CHD5: variants seen among roughly 807,000 people sequenced by gnomAD.
CHD5 encodes ATP-dependent chromatin remodeler CHD5.
A neutral mutation model predicts 230.3 loss-of-function variants in CHD5; 69 were observed. The ratio of observed to expected loss-of-function variants is 0.30; its 90% CI spans 0.25 to 0.37. CHD5 has a LOEUF of 0.37. Ranked by LOEUF, CHD5 falls within the 10% of genes least tolerant of loss-of-function variation. CHD5 has a pLI of 1.00. For missense variants in CHD5, 1,827 were observed against 2,622.8 expected, an observed-to-expected ratio of 0.70 and a Z score of 6.63; for synonymous variants, 1,064 against 1,065.9, an observed-to-expected ratio of 1.00 and a Z score of 0.03.
intron 17 of CHD5, 140 bp downstream of exon 17, chr1:6,136,377 G>T: frequency 1.0e-6 from 1 of 978,454 alleles, no homozygotes. Flanking sequence ...GTCAAAGCGG[G>T]GACATTGCTA....
chr1:6,174,842 AATGG>A (rs1667396362), intron 1 of CHD5, among the ~76,000 whole-genome samples: 1 of 138,294 alleles, frequency 7.2e-6, no homozygotes, highest in Non-Finnish European at 1.5e-5. Context: ...TAAATGGATG[AATGG>A]ATGAATGACG....
At position 6,146,543 on chromosome 1, in the gene CHD5, C is replaced by G; in HGVS notation, c.1591-120G>C. The G allele has an allele frequency of 7.2e-7, 1 of 1,390,354 alleles. No homozygotes were observed. The highest frequency in any genetic ancestry group is 1.0e-6 in the Non-Finnish European group (1 of 987,550). The allele number at this position is 1,390,354 out of a possible 1,614,324, so 86.1% of individuals were successfully genotyped here. A position where few individuals can be genotyped will look rare whatever the true frequency, so the allele number is the denominator to read the frequency against. ...GGCAGGACAATCCTCCCGCTCAGCA[C>G]CACCCCAACTCCCAACAGCACCCCT... is the stretch of plus-strand genomic sequence containing the variant. On this transcript the variant is annotated intron_variant, in intron 10 of 41. Transcript: ENST00000262450. The surrounding 1 kb of genome is among the most constrained non-coding windows in gnomAD (Gnocchi z 5.1).
At position 6,129,121 on chromosome 1, in the gene CHD5, T is replaced by C. The variant is rs1170272551; in HGVS notation, c.3388-52A>G. The C allele has an allele frequency of 3.1e-6, 4 of 1,301,426 alleles. No individual in the cohort carries two copies. In the South Asian group the frequency reaches 5.0e-5, roughly 16 times the overall value. 80.6% of individuals were successfully genotyped at this position (1,301,426 alleles called of 1,614,324 possible). Reference sequence around the variant, plus strand: ...GTGGCTCACCCAGGGCTCCAGGCAATGGAGGAGATCACACCCATGAGCTCA... The same window carrying C: ...GTGGCTCACCCAGGGCTCCAGGCAACGGAGGAGATCACACCCATGAGCTCA... On this transcript the variant is annotated intron_variant, in intron 22 of 41. Coordinates refer to ENST00000262450, the MANE Select transcript of CHD5 (RefSeq NM_015557.3). The surrounding 1 kb of genome is among the most constrained non-coding windows in gnomAD (Gnocchi z 6.8).
rs760587600 is a variant in CHD5, at chr1:6,146,240, T to C, written c.1774A>G (p.Met592Val). The C allele has an allele frequency of 6.2e-7, 1 of 1,614,158 alleles. No homozygotes were observed. The highest frequency in any genetic ancestry group is 2.2e-5 in the East Asian group (1 of 44,882). The change falls in exon 11 of 42, where the codon ATG (methionine) becomes GTG (valine). Residue 592 changes from methionine (M) to valine (V), a missense_variant. Around this residue, in one of 14 missense-constraint regions of CHD5, gnomAD observed 657 missense variants for 816.4 expected, o/e 0.80. Coordinates refer to ENST00000262450, the MANE Select transcript of CHD5 (RefSeq NM_015557.3). The surrounding 1 kb of genome is among the most constrained non-coding windows in gnomAD (Gnocchi z 5.1). Reference protein sequence around the residue: ...FYRYGIKPEWMMIHRILNHSF... With the variant: ...FYRYGIKPEWVMIHRILNHSF... ...TGGTTCAGGATTCGGTGAATCATCA[T>C]CCACTCTGGCTTGATGCCATAGCGG...
Position 6,179,987 on chromosome 1 carries a change from G to C in CHD5, c.37C>G (p.Arg13Gly), listed in dbSNP as rs867830198. ...GPVGTEEELP[R>G]LFAEEMENED... ...TTCTCCATCTCCTCGGCGAACAGCC[G>C]CGGCAGCTCCTCCTCGGTGCCCACT... The change falls in exon 1 of 42, where the codon CGG becomes GGG. Residue 13 changes from arginine (R) to glycine (G), a missense_variant. Arg to Gly is a moderately radical substitution (Grantham distance 125). Around this residue, in one of 14 missense-constraint regions of CHD5, gnomAD observed 113 missense variants for 91.9 expected, o/e 1.23. Transcript: ENST00000262450. The C allele has an allele frequency of 9.4e-6, 13 of 1,386,586 alleles. No homozygotes were observed. Among genetic ancestry groups the C allele is most frequent in the African/African-American group, 4.6e-5 (3 of 65,842 alleles). 85.9% of individuals were successfully genotyped at this position (1,386,586 alleles called of 1,614,324 possible).
Position 6,125,091 on chromosome 1 carries a change from C to A in CHD5, c.4394+9G>T. On this transcript the variant is annotated intron_variant, in intron 29 of 41. Transcript: ENST00000262450. The surrounding 1 kb of genome is among the most constrained non-coding windows in gnomAD (Gnocchi z 6.7). ...GGTCACACCCTGGGCCACCACCTAG[C>A]CCCTTTACCTAAACTCCTTCTCGCT... The A allele has an allele frequency of 6.3e-7, 1 of 1,575,408 alleles. No individual in the cohort carries two copies.
chr1:6,140,416 GA>G (rs1666810075), intron 15 of CHD5, among the ~76,000 whole-genome samples: 1 of 151,182 alleles, frequency 6.6e-6, no homozygotes, highest in South Asian at 2.1e-4. Flanking sequence ...AAAAAGAAAA[GA>G]AAAAGAAAAA....
chr1:6,168,299 A>T, intron 1 of CHD5, 22 bp from the exon 2 acceptor site: 1 of 1,584,976 alleles, frequency 6.3e-7, no homozygotes, highest in South Asian at 1.1e-5. Flanking sequence ...AGAAGGTGGC[A>T]GCAGTTACTC....
chr1:6,150,125 T>C (rs539419650), intron 7 of CHD5, among the ~76,000 whole-genome samples: 22 of 150,234 alleles, frequency 1.5e-4, no homozygotes, highest in Non-Finnish European at 2.4e-4. Context: ...GATAGATGAA[T>C]GAACAAATGG....
At chr1:6,169,565 G>A (rs975943890) in intron 1 of CHD5, among the ~76,000 whole-genome samples, 4 of 152,232 alleles carry the variant, frequency 2.6e-5, no homozygotes, top group African/African-American at 9.6e-5. Context: ...GGGAAATCAG[G>A]ATAGAGAAAA....
intron 38 of CHD5, among the ~76,000 whole-genome samples, chr1:6,107,147 G>A (rs1250207167): frequency 6.9e-6 from 1 of 145,390 alleles, no homozygotes; most frequent in African/African-American, 2.6e-5. Flanking sequence ...AGGGATAATG[G>A]AGCGAAGATG....
At chr1:6,106,803 G>A (rs779261027) in intron 38 of CHD5, 24 bp from the exon 39 acceptor site, 3 of 1,469,398 alleles carry the variant, frequency 2.0e-6, no homozygotes, top group East Asian at 2.9e-5. Flanking sequence ...CGGAGGGATG[G>A]TAGGATGCAG....
At chr1:6,168,016 G>T in intron 2 of CHD5, 134 bp downstream of exon 2, 2 of 1,114,930 alleles carry the variant, frequency 1.8e-6, no homozygotes, top group Non-Finnish European at 2.5e-6. Context: ...TGGTTATGGT[G>T]TTTTTCATCA....
chr1:6,153,927 A>G lies in CHD5; in HGVS notation c.745+733T>C, dbSNP rs570895933. On this transcript the variant is annotated intron_variant, in intron 5 of 41. Transcript: ENST00000262450. ...GGGAGATCAACATCCCCAGCCTCCA[A>G]AAGGCCAGAAACCTGCACCCAGAAA... is the stretch of plus-strand genomic sequence containing the variant. Among the ~76,000 whole-genome samples, 10 of 152,182 alleles carry G rather than the reference A, an allele frequency of 6.6e-5. No homozygotes were observed. The East Asian group carries it at 1.7e-3, about 26-fold the overall frequency.
intron 2 of CHD5, among the ~76,000 whole-genome samples, chr1:6,159,922 A>G (rs1203323673): frequency 6.6e-6 from 1 of 152,286 alleles, no homozygotes; most frequent in Non-Finnish European, 1.5e-5. Flanking sequence ...ATGATGAGGC[A>G]TGGACCCAGG....
chr1:6,170,838 G>A (rs949881949), intron 1 of CHD5, among the ~76,000 whole-genome samples: 4 of 152,230 alleles, frequency 2.6e-5, no homozygotes, highest in Non-Finnish European at 4.4e-5. Context: ...AGGTGTCGGT[G>A]GGGCAGTGGC....
Position 6,106,425 on chromosome 1 carries a change from T to C in CHD5, c.5827A>G (p.Asn1943Asp). ...GPGPGGIVNY[N>D]QMPLGPYVTD... ...ACATAGGGCCCCAGGGGCATCTGGT[T>C]GTAGTTGACAATCCCTCCCGGTCCA... The change falls in exon 40 of 42, where the codon AAC (asparagine) becomes GAC (aspartate). Residue 1943 changes from asparagine to aspartate, a missense_variant. By Grantham distance (23) the Asn-to-Asp change is conservative (BLOSUM62 1). This residue lies in a region of CHD5 where 208 missense variants were observed against 302.0 expected (regional missense o/e 0.69). Coordinates refer to ENST00000262450, the MANE Select transcript of CHD5 (RefSeq NM_015557.3). 3.8e-6 allele frequency: 6 copies of C among 1,586,264 alleles called. No homozygotes were observed. The highest frequency in any genetic ancestry group is 5.1e-6 in the Non-Finnish European group (6 of 1,166,824).
chr1:6,112,136 A>G lies in CHD5; in HGVS notation c.5140+4T>C. 1 of 1,612,758 alleles carries G rather than the reference A, an allele frequency of 6.2e-7. No homozygotes were observed. Among genetic ancestry groups the G allele is most frequent in the Non-Finnish European group, 8.5e-7 (1 of 1,179,248 alleles). ...GCTCTCTGCCCAACCCCCAACCCCA[A>G]TACCCGTGAAGCCCCCGTCCGCGAT... On this transcript the variant is annotated splice_donor_region_variant and intron_variant, in intron 35 of 41. Coordinates refer to ENST00000262450, the MANE Select transcript of CHD5 (RefSeq NM_015557.3).
intron 1 of CHD5, among the ~76,000 whole-genome samples, chr1:6,178,173 G>A (rs778275546): frequency 9.9e-5 from 15 of 152,166 alleles, no homozygotes; most frequent in South Asian, 2.1e-4. Context: ...CACTCCTGGA[G>A]GCTCTGGGGC....
Sources: gnomAD v4.1 joint callset for allele counts (sites outside exome capture counted in the v4.1 genomes callset) on GRCh38, gnomAD v4.1.1 for gene constraint, gnomAD v4.1.1 regional missense constraint, Gnocchi (gnomAD v3.1) non-coding constraint, MANE v1.5 for transcripts, NCBI Gene and HGNC (gene_info 2026-07-23, HGNC 2026-07-21) for gene names.